The following SORBS2 variants were observed in gnomAD, a reference collection of about 807,000 sequenced individuals.
The protein encoded by SORBS2 is sorbin and SH3 domain containing 2.
In SORBS2, 46 loss-of-function variants were observed where a neutral mutation model predicts 97.7. That is an observed-to-expected ratio of 0.47 (90% confidence interval 0.37 to 0.60). The LOEUF (loss-of-function observed/expected upper bound fraction) is 0.60, where lower values mean the gene tolerates loss of function less well. Among genes scored for constraint, SORBS2 ranks in the 20% least tolerant of loss-of-function variants. The pLI, the probability that SORBS2 is intolerant of heterozygous loss-of-function variation, is 0.00. For missense variants in SORBS2, 1,316 were observed against 1,282.3 expected, an observed-to-expected ratio of 1.03 and a Z score of -0.40; for synonymous variants, 476 against 473.4, an observed-to-expected ratio of 1.01 and a Z score of -0.07.
intron 1 of SORBS2, among the ~76,000 whole-genome samples, chr4:185,872,880 T>C (rs937846517): frequency 7.2e-5 from 11 of 152,200 alleles, no homozygotes; most frequent in Admixed American, 5.9e-4. Context: ...CTGCTGTGAC[T>C]GATCTCACCT....
At chr4:185,895,385 G>T (rs2099244509) in intron 1 of SORBS2, among the ~76,000 whole-genome samples, 1 of 152,212 alleles carries the variant, frequency 6.6e-6, no homozygotes, top group Non-Finnish European at 1.5e-5. Flanking sequence ...GTCTTCCCTT[G>T]TCCTCATAAC....
intron 1 of SORBS2, among the ~76,000 whole-genome samples, chr4:185,653,493 C>A (rs1293303461): frequency 6.6e-6 from 1 of 152,112 alleles, no homozygotes; most frequent in Admixed American, 6.5e-5. Context: ...GCTTAATACA[C>A]CCTAGCAATA....
chr4:185,909,985 G>GAAAAAAAAAAA (rs142443290), intron 1 of SORBS2, among the ~76,000 whole-genome samples: 1 of 112,672 alleles, frequency 8.9e-6, no homozygotes, highest in African/African-American at 3.4e-5. Context: ...CTCCATCTCA[G>GAAAAAAAAAAA]AAAAAAAAAA....
At chr4:185,672,571 G>A (rs1430689098) in intron 4 of SORBS2, among the ~76,000 whole-genome samples, 1 of 152,192 alleles carries the variant, frequency 6.6e-6, no homozygotes, top group Non-Finnish European at 1.5e-5. Flanking sequence ...GTCAATTAAA[G>A]CACATGCCGT....
intron 2 of SORBS2, among the ~76,000 whole-genome samples, chr4:185,688,800 T>C (rs1297417423): frequency 6.6e-6 from 1 of 152,166 alleles, no homozygotes; most frequent in Non-Finnish European, 1.5e-5. Flanking sequence ...AAAAACATTA[T>C]AATTATTATT....
intron 2 of SORBS2, among the ~76,000 whole-genome samples, chr4:185,766,196 A>G (rs1001177344): frequency 2.0e-5 from 3 of 152,130 alleles, no homozygotes; most frequent in African/African-American, 7.2e-5. Context: ...CTCCATCTTT[A>G]TCTCCAACAA....
At chr4:185,624,600 G>GA (rs1393247061) in intron 6 of SORBS2, 106 bp from the exon 19 acceptor site, 18 of 1,238,696 alleles carry the variant, frequency 1.5e-5, no homozygotes, top group Non-Finnish European at 1.9e-5. Context: ...ATAGCAAGGA[G>GA]AAAGCAGTTA....
intron 4 of SORBS2, among the ~76,000 whole-genome samples, chr4:185,671,893 T>C (rs536821530): frequency 1.1e-3 from 168 of 152,260 alleles, no homozygotes; most frequent in Non-Finnish European, 2.1e-3. Flanking sequence ...TGCCCATCTA[T>C]TGGGAGATGT....
At chr4:185,749,443 T>C (rs993395992) in intron 2 of SORBS2, among the ~76,000 whole-genome samples, 2 of 144,760 alleles carry the variant, frequency 1.4e-5, no homozygotes, top group Non-Finnish European at 3.1e-5. Context: ...TCATTTTGTA[T>C]TAAGCAATGA....
chr4:185,670,449 ATC>A (rs1026659142), intron 4 of SORBS2, among the ~76,000 whole-genome samples: 1 of 152,054 alleles, frequency 6.6e-6, no homozygotes. Flanking sequence ...GGATCCTAAC[ATC>A]TCTCTCTTAA....
chr4:185,719,981 G>A (rs2098499239), intron 2 of SORBS2, among the ~76,000 whole-genome samples: 1 of 152,206 alleles, frequency 6.6e-6, no homozygotes, highest in Admixed American at 6.5e-5. Flanking sequence ...AGGAAATGCT[G>A]TGTGCATCTT....
chr4:185,677,005 A>C, intron 4 of SORBS2: 1 of 1,550,326 alleles, frequency 6.5e-7, no homozygotes, highest in Non-Finnish European at 8.7e-7. Context: ...ACCACTCTGC[A>C]GTCTGAGGAC....
In SORBS2 at chr4:185,846,337, T is replaced by C. The variant is rs2099214523; in HGVS notation, c.-337-70971A>G. 2.0e-5 allele frequency among the ~76,000 whole-genome samples: 3 copies of C among 152,306 alleles called. No individual in the cohort carries two copies. The South Asian group carries it at 6.2e-4, about 32-fold the overall frequency. On this transcript the variant is annotated intron_variant, in intron 1 of 20. Coordinates refer to the SORBS2 transcript ENST00000284776. ...GCATGTTTCCACTAATAATACATTCTGGAAAAATAAAACTATAGGGACAGA... is the reference window on the plus strand; with the variant it reads ...GCATGTTTCCACTAATAATACATTCCGGAAAAATAAAACTATAGGGACAGA...
intron 1 of SORBS2, among the ~76,000 whole-genome samples, chr4:185,900,898 C>T (rs1048757216): frequency 1.3e-5 from 2 of 152,154 alleles, no homozygotes; most frequent in Admixed American, 1.3e-4. Context: ...GTCCAAAAGG[C>T]AGTGCAATTA....
intron 1 of SORBS2, among the ~76,000 whole-genome samples, chr4:185,917,205 G>A (rs543458935): frequency 7.2e-5 from 11 of 152,266 alleles, no homozygotes; most frequent in Middle Eastern, 3.4e-3. Flanking sequence ...TGCCCTGTGC[G>A]TCTCTTCATC....
chr4:185,635,397 A>G, intron 4 of SORBS2: 1 of 1,613,828 alleles, frequency 6.2e-7, no homozygotes, highest in African/African-American at 1.3e-5. Context: ...CATAGTCCAG[A>G]GGCTTTTTAG....
At chr4:185,716,878 A>C (rs144351937) in intron 2 of SORBS2, among the ~76,000 whole-genome samples, 1 of 152,360 alleles carries the variant, frequency 6.6e-6, no homozygotes, top group Non-Finnish European at 1.5e-5. Context: ...CCTGCATGAC[A>C]GATGTCCCTT....
intron 5 of SORBS2, among the ~76,000 whole-genome samples, chr4:185,630,289 C>T (rs1177187760): frequency 3.3e-5 from 5 of 151,786 alleles, no homozygotes; most frequent in Non-Finnish European, 7.4e-5. Context: ...GAAAAGAAAA[C>T]TGGGTATAGG....
chr4:185,858,550 T>C (rs2099221948), intron 1 of SORBS2, among the ~76,000 whole-genome samples: 1 of 152,254 alleles, frequency 6.6e-6, no homozygotes, highest in Non-Finnish European at 1.5e-5. Flanking sequence ...GATTGCCATT[T>C]GCCACATTTC....
Sources: gnomAD v4.1 joint callset for allele counts (sites outside exome capture counted in the v4.1 genomes callset) on GRCh38, gnomAD v4.1.1 for gene constraint, MANE v1.5 for transcripts, NCBI Gene and HGNC (gene_info 2026-07-23, HGNC 2026-07-21) for gene names.